The following PAWR variants were observed in gnomAD, a reference collection of about 807,000 sequenced individuals.
PAWR encodes pro-apoptotic WT1 regulator.
A neutral mutation model predicts 32.0 loss-of-function variants in PAWR; 23 were observed. That is an observed-to-expected ratio of 0.72 (90% confidence interval 0.52 to 1.02). The LOEUF is 1.02. Among genes scored for constraint, PAWR ranks in the 50% least tolerant of loss-of-function variants. The probability of loss-of-function intolerance (pLI) is 0.00; values close to 1 mark genes in which losing one functional copy is unlikely to be tolerated. For synonymous variants in PAWR, 226 were observed against 187.1 expected (o/e 1.21, Z -1.70); for missense variants, 457 against 437.7 (o/e 1.04, Z -0.39).
intron 2 of PAWR, among the ~76,000 whole-genome samples, chr12:79,669,214 A>T (rs1877764184): frequency 6.6e-6 from 1 of 152,228 alleles, no homozygotes; most frequent in South Asian, 2.1e-4. Flanking sequence ...ATATAAGACC[A>T]ACAATATTAA....
chr12:79,588,283 A>C lies in PAWR; in HGVS notation c.*4324T>G, dbSNP rs1359276548. On this transcript the variant is annotated 3_prime_UTR_variant, in exon 7 of 7. Coordinates refer to ENST00000328827, the MANE Select transcript of PAWR (RefSeq NM_002583.4). Reference sequence around the variant, plus strand: ...TTACATATCTAAAAACAAACCAGTAATCAATAATATATACAGAAATACTAA... The same window carrying C: ...TTACATATCTAAAAACAAACCAGTACTCAATAATATATACAGAAATACTAA... 1 of 152,012 alleles carries C rather than the reference A, an allele frequency of 6.6e-6. No individual in the cohort carries two copies. Among genetic ancestry groups the C allele is most frequent in the Non-Finnish European group, 1.5e-5 (1 of 67,860 alleles). The allele number at this position is 152,012 out of a possible 1,614,324, so 9.4% of individuals were successfully genotyped here.
In PAWR at chr12:79,646,468, C is replaced by T. The variant is rs535477325; in HGVS notation, c.517-25261G>A. Among the ~76,000 whole-genome samples, 276 of 152,278 alleles carry T rather than the reference C, an allele frequency of 1.8e-3. 2 individuals are homozygous for T. The highest frequency in any genetic ancestry group is 3.4e-3 in the Middle Eastern group (1 of 294). On this transcript the variant is annotated intron_variant, in intron 2 of 6. Coordinates refer to ENST00000328827, the MANE Select transcript of PAWR (RefSeq NM_002583.4). ...TCTACATACAAAATACTGGCATTTC[C>T]AGTCCCCTTCCCCAACACATGTCTC...
chr12:79,658,972 T>TAAA (rs550704257), intron 2 of PAWR, among the ~76,000 whole-genome samples: 1 of 86,644 alleles, frequency 1.2e-5, no homozygotes, highest in Non-Finnish European at 2.4e-5. Flanking sequence ...CTTAGCACAC[T>TAAA]AAAAAAAAAA....
chr12:79,635,206 T>C (rs879876033), intron 2 of PAWR, among the ~76,000 whole-genome samples: 1 of 152,128 alleles, frequency 6.6e-6, no homozygotes, highest in Non-Finnish European at 1.5e-5. Flanking sequence ...TGGAACTTAT[T>C]TAATTCCCCT....
intron 2 of PAWR, among the ~76,000 whole-genome samples, chr12:79,622,346 T>C (rs1199727582): frequency 2.0e-5 from 3 of 152,110 alleles, no homozygotes; most frequent in African/African-American, 7.2e-5. Context: ...GTAGGGTACA[T>C]GTGCACAATG....
At chr12:79,622,015 T>C (rs912962332) in intron 2 of PAWR, among the ~76,000 whole-genome samples, 4 of 149,794 alleles carry the variant, frequency 2.7e-5, no homozygotes, top group East Asian at 3.9e-4. Flanking sequence ...CAAAAACAAA[T>C]AAACAAACAA....
At position 79,690,136 on chromosome 12, in the gene PAWR, G is replaced by A. The variant is rs1452141171; in HGVS notation, c.109C>T (p.Pro37Ser). Reference sequence around the variant, plus strand: ...CCCCCTCCCGGGGGGGCCGGGCCCGGGGGGTTCTGCTTGGCGCGCATCTTC... The same window carrying A: ...CCCCCTCCCGGGGGGGCCGGGCCCGAGGGGTTCTGCTTGGCGCGCATCTTC... ...REKMRAKQNP[P>S]GPAPPGGGSS... Residue 37 changes from proline to serine, a missense_variant, in exon 2 of 7, where the codon CCG becomes TCG. Physicochemically the swap from Pro to Ser is moderately conservative, Grantham distance 74. Coordinates refer to ENST00000328827, the MANE Select transcript of PAWR (RefSeq NM_002583.4). 4 of 1,518,348 alleles carry A rather than the reference G, an allele frequency of 2.6e-6. No homozygotes were observed. The highest frequency in any genetic ancestry group is 3.5e-6 in the Non-Finnish European group (4 of 1,136,178). The allele number at this position is 1,518,348 out of a possible 1,614,324, so 94.1% of individuals were successfully genotyped here.
chr12:79,671,759 C>G (rs1235827927), intron 2 of PAWR, among the ~76,000 whole-genome samples: 2 of 152,000 alleles, frequency 1.3e-5, no homozygotes, highest in Non-Finnish European at 2.9e-5. Context: ...TATAAAGAGG[C>G]TCAATCATAA....
intron 2 of PAWR, among the ~76,000 whole-genome samples, chr12:79,687,346 T>G (rs1270033932): frequency 2.0e-5 from 3 of 152,114 alleles, no homozygotes; most frequent in Admixed American, 1.3e-4. Context: ...ACTAGTAAAG[T>G]GAGGTAATGA....
intron 2 of PAWR, 76 bp downstream of exon 2, chr12:79,689,653 T>C (rs903903226): frequency 6.8e-7 from 1 of 1,471,180 alleles, no homozygotes; most frequent in African/African-American, 1.4e-5. Context: ...GCGCCCCGGG[T>C]AGCTCCCAGG....
At chr12:79,644,133 T>C (rs977118823) in intron 2 of PAWR, among the ~76,000 whole-genome samples, 1 of 152,198 alleles carries the variant, frequency 6.6e-6, no homozygotes, top group African/African-American at 2.4e-5. Flanking sequence ...AAATTTTAGA[T>C]TTGTTTAAAT....
rs542087989 is a variant in PAWR at position 79,640,152 on chromosome 12, CT to C, written c.517-18946del. Among the ~76,000 whole-genome samples the C allele has an allele frequency of 6.7e-4, 102 of 152,228 alleles. 2 individuals are homozygous for C. The East Asian group carries it at 8.1e-3, about 12-fold the overall frequency. On this transcript the variant is annotated intron_variant, in intron 2 of 6. Coordinates refer to ENST00000328827, the MANE Select transcript of PAWR (RefSeq NM_002583.4). Reference sequence around the variant, plus strand: ...TCCTGACCTCAAGTGATCCTCCCACCTCAGCCTCCCAACATTCTGGGATTTC... The same window carrying C: ...TCCTGACCTCAAGTGATCCTCCCACCCAGCCTCCCAACATTCTGGGATTTC...
In PAWR at chr12:79,594,321, A is replaced by G; in HGVS notation, c.936+8T>C. On this transcript the variant is annotated splice_region_variant and intron_variant, in intron 6 of 6. Coordinates refer to ENST00000328827, the MANE Select transcript of PAWR (RefSeq NM_002583.4). ...CCCTCCAAACCTGAAATATGGTGAA[A>G]TACTTACTCTATTTAATAAATCAAT... 8.2e-7 allele frequency: 1 copy of G among 1,219,772 alleles called. No homozygotes were observed. The allele number at this position is 1,219,772 out of a possible 1,614,324, so 75.6% of individuals were successfully genotyped here.
chr12:79,591,873 C>T lies in PAWR; in HGVS notation c.*734G>A, dbSNP rs1246750352. ...CTGTGTTCACTAGCAAACCTTGGAA[C>T]GATAAAAAAAGGTAGTACCTACATA... is the stretch of plus-strand genomic sequence containing the variant. On this transcript the variant is annotated 3_prime_UTR_variant, in exon 7 of 7. Transcript: ENST00000328827. The T allele has an allele frequency of 6.6e-6, 1 of 151,620 alleles. No homozygotes were observed. The highest frequency in any genetic ancestry group is 1.9e-4 in the East Asian group (1 of 5,170). The allele number at this position is 151,620 out of a possible 1,614,324, so 9.4% of individuals were successfully genotyped here.
chr12:79,670,961 T>A, intron 2 of PAWR, among the ~76,000 whole-genome samples: 1 of 150,430 alleles, frequency 6.6e-6, no homozygotes. Flanking sequence ...TTAAGGATAC[T>A]AAAATAGACT....
At chr12:79,607,313 A>C (rs1166541062) in intron 4 of PAWR, among the ~76,000 whole-genome samples, 1 of 152,082 alleles carries the variant, frequency 6.6e-6, no homozygotes, top group Middle Eastern at 3.2e-3. Flanking sequence ...GAAAGAATAG[A>C]TCTTGAAAGG....
intron 2 of PAWR, among the ~76,000 whole-genome samples, chr12:79,643,694 A>G (rs1247005619): frequency 6.6e-6 from 1 of 152,146 alleles, no homozygotes; most frequent in African/African-American, 2.4e-5. Context: ...TAGTCAGCTC[A>G]TTTGCAGTTT....
intron 2 of PAWR, among the ~76,000 whole-genome samples, chr12:79,664,326 C>A (rs983900266): frequency 6.6e-6 from 1 of 151,906 alleles, no homozygotes; most frequent in African/African-American, 2.4e-5. Flanking sequence ...CTCTGCAAAA[C>A]CCTCCCTCAA....
intron 2 of PAWR, among the ~76,000 whole-genome samples, chr12:79,651,277 C>T (rs1876831956): frequency 6.6e-6 from 1 of 152,110 alleles, no homozygotes; most frequent in Non-Finnish European, 1.5e-5. Flanking sequence ...CAAAAAAATA[C>T]ACCAAGATGA....
Sources: allele counts gnomAD v4.1 joint callset (sites outside exome capture counted in the v4.1 genomes callset), GRCh38; gene constraint gnomAD v4.1.1; transcripts MANE v1.5; gene names NCBI Gene and HGNC (gene_info 2026-07-23, HGNC 2026-07-21).